Variants in URGCP observed in about 807,000 individuals in gnomAD.
URGCP encodes the protein upregulator of cell proliferation, also known as up-regulator of cell proliferation.
A neutral mutation model predicts 24.6 loss-of-function variants in URGCP; 13 were observed. That is an observed-to-expected ratio of 0.53 (90% CI 0.34 to 0.84). The LOEUF (loss-of-function observed/expected upper bound fraction) is 0.84. Ranked by LOEUF, URGCP falls within the 40% of genes least tolerant of loss-of-function variation. The probability of loss-of-function intolerance (pLI) is 0.01; values close to 1 mark genes in which losing one functional copy is unlikely to be tolerated. For synonymous variants in URGCP, 444 were observed against 487.2 expected (o/e 0.91, Z 1.17); for missense variants, 899 against 1,194.3 (o/e 0.75, Z 3.64).
rs1472073648 is a variant in URGCP at position 43,877,530 on chromosome 7, G to A, written c.1933C>T (p.His645Tyr). ...AGCTCCGAGGCCAAGCCTGGGAAGT[G>A]GGCAAAACGCCTCTGGCCTGCCGGC... ...RLPAGQRRFA[H>Y]FPGLASELLL... The change falls in exon 6 of 6, where the codon CAC becomes TAC. Residue 645 changes from histidine (H) to tyrosine (Y), a missense_variant. By Grantham distance (83) the His-to-Tyr change is moderately conservative. Coordinates refer to ENST00000453200, the MANE Select transcript of URGCP (RefSeq NM_001077663.3). 2 of 1,613,070 alleles carry A rather than the reference G, an allele frequency of 1.2e-6. No individual in the cohort carries two copies. Among genetic ancestry groups the A allele is most frequent in the Non-Finnish European group, 1.7e-6 (2 of 1,180,026 alleles).
chr7:43,911,717 AAC>A (rs1219273083), intron 1 of URGCP, among the ~76,000 whole-genome samples: 2 of 152,186 alleles, frequency 1.3e-5, no homozygotes, highest in Non-Finnish European at 2.9e-5. Flanking sequence ...AATAGGACCT[AAC>A]AGACATATGC....
At chr7:43,920,154 C>T (rs1003162227) in intron 1 of URGCP, 11 of 637,622 alleles carry the variant, frequency 1.7e-5, no homozygotes, top group African/African-American at 1.5e-4. Flanking sequence ...GGACCTCACA[C>T]ATCTCTTTCT....
upstream of URGCP, among the ~76,000 whole-genome samples, chr7:43,907,449 A>G (rs2095905268): frequency 6.6e-6 from 1 of 152,162 alleles, no homozygotes; most frequent in Admixed American, 6.6e-5. Flanking sequence ...CCTGGGCAAC[A>G]TATTGAGATG....
intron 1 of URGCP, among the ~76,000 whole-genome samples, chr7:43,905,125 C>T (rs1345492201): frequency 6.6e-6 from 1 of 152,064 alleles, no homozygotes; most frequent in Non-Finnish European, 1.5e-5. Flanking sequence ...CACAGAAACA[C>T]CAGTGAAGCA....
intron 5 of URGCP, chr7:43,881,023 T>G: frequency 1.6e-6 from 1 of 608,676 alleles, no homozygotes; most frequent in Non-Finnish European, 2.9e-6. Context: ...TTAGGGGACC[T>G]ATGAACTTGT....
At chr7:43,913,535 T>G (rs1278984883) in intron 1 of URGCP, among the ~76,000 whole-genome samples, 2 of 152,092 alleles carry the variant, frequency 1.3e-5, no homozygotes, top group African/African-American at 4.8e-5. Context: ...TTATTTTCTT[T>G]AAGCACTTTA....
At chr7:43,925,962 C>T (rs1395544228) in intron 1 of URGCP, among the ~76,000 whole-genome samples, 4 of 152,108 alleles carry the variant, frequency 2.6e-5, no homozygotes, top group African/African-American at 9.7e-5. Flanking sequence ...GATGCATAGT[C>T]TAAGGCCAGG....
At chr7:43,900,247 C>A (rs1012114716) in intron 1 of URGCP, among the ~76,000 whole-genome samples, 2 of 151,210 alleles carry the variant, frequency 1.3e-5, no homozygotes, top group African/African-American at 2.4e-5. Context: ...TTAAGGTCAG[C>A]GGTTCGAGAC....
At chr7:43,922,500 A>C (rs2095923566) in intron 1 of URGCP, among the ~76,000 whole-genome samples, 1 of 152,180 alleles carries the variant, frequency 6.6e-6, no homozygotes, top group Admixed American at 6.5e-5. Context: ...AATTACAGCC[A>C]TCCTAGAGGG....
In URGCP at chr7:43,886,844, T is replaced by C. The variant is rs577245644; in HGVS notation, c.112+571A>G. Among the ~76,000 whole-genome samples, 3 of 151,296 alleles carry C rather than the reference T, an allele frequency of 2.0e-5. No individual in the cohort carries two copies. The East Asian group carries it at 5.8e-4, about 29-fold the overall frequency. ...GTAAGAGAGCTAAAGATATCTGGAG[T>C]GTGGCCACCATACCTTAAAGGTGAA... On this transcript the variant is annotated intron_variant, in intron 3 of 5. Transcript: ENST00000453200.
chr7:43,921,521 C>T (rs549617447), intron 1 of URGCP, among the ~76,000 whole-genome samples: 43 of 152,250 alleles, frequency 2.8e-4, no homozygotes, highest in Middle Eastern at 3.4e-3. Context: ...CTAAATTATA[C>T]GGGACAGATA....
chr7:43,919,487 C>T, intron 1 of URGCP: 2 of 1,135,402 alleles, frequency 1.8e-6, no homozygotes, highest in Admixed American at 1.7e-5. Flanking sequence ...TCATTCCCAC[C>T]CCATGGCTCC....
Position 43,922,894 on chromosome 7 carries a change from CTCTT to C in URGCP, c.-116+3234_-116+3237del, listed in dbSNP as rs576826513. Among the ~76,000 whole-genome samples, 400 of 151,156 alleles carry C rather than the reference CTCTT, an allele frequency of 2.6e-3. 1 individual carries two copies. Among genetic ancestry groups the C allele is most frequent in the Non-Finnish European group, 3.7e-3 (249 of 67,762 alleles). On this transcript the variant is annotated intron_variant, in intron 1 of 5. Transcript: ENST00000426198. ...CCACACCAGGCATTTTTTTTTCTTTCTCTTTCTTTCTTTCTTTCTCTTTCTTTCC... is the reference window on the plus strand; with the variant it reads ...CCACACCAGGCATTTTTTTTTCTTTCTCTTTCTTTCTTTCTCTTTCTTTCC...
At chr7:43,924,254 A>T (rs1378171869) in intron 1 of URGCP, among the ~76,000 whole-genome samples, 1 of 152,226 alleles carries the variant, frequency 6.6e-6, no homozygotes, top group Non-Finnish European at 1.5e-5. Flanking sequence ...AGCATGCTAA[A>T]AAGTTTAGAA....
At chr7:43,884,843 A>G (rs1221020165) in intron 3 of URGCP, among the ~76,000 whole-genome samples, 2 of 152,160 alleles carry the variant, frequency 1.3e-5, no homozygotes, top group Non-Finnish European at 2.9e-5. Context: ...AGAATGAGCT[A>G]TGAAGTAGAA....
rs749959719 is a variant in URGCP at position 43,879,181 on chromosome 7, G to A, written c.282C>T (p.Asp94=). 25 of 1,613,940 alleles carry A rather than the reference G, an allele frequency of 1.5e-5. 1 individual carries two copies. The South Asian group carries it at 2.2e-4, about 14-fold the overall frequency. Residue 94 remains aspartate (D), a synonymous_variant, in exon 6 of 6, where the codon GAC becomes GAT. Coordinates refer to ENST00000453200, the MANE Select transcript of URGCP (RefSeq NM_001077663.3). ...TACTGTCAAAACTGATCTGCAGAGA[G>A]TCCTGGAGGCTGAGTTTCTGGACCT... ...TYQVQKLSLQ[D]SLQISFDSMK... is the part of the protein sequence containing the mutation.
chr7:43,877,320 G>T lies in URGCP; in HGVS notation c.2143C>A (p.Leu715Met), dbSNP rs774302990. ...KSTLLNTMFG[L>M]RFATGKSCGP... Reference sequence around the variant, plus strand: ...CAGCTCTTCCCTGTGGCAAACCGCAGCCCAAACATGGTGTTGAGGAGTGTG... The same window carrying T: ...CAGCTCTTCCCTGTGGCAAACCGCATCCCAAACATGGTGTTGAGGAGTGTG... The change falls in exon 6 of 6, where the codon CTG becomes ATG. Residue 715 changes from leucine (L) to methionine (M), a missense_variant. Leu to Met is a conservative substitution (Grantham distance 15). Coordinates refer to ENST00000453200, the MANE Select transcript of URGCP (RefSeq NM_001077663.3). 5.6e-6 allele frequency: 9 copies of T among 1,612,916 alleles called. No homozygotes were observed. The East Asian group carries it at 2.0e-4, about 36-fold the overall frequency.
chr7:43,913,517 C>G (rs1303714083), intron 1 of URGCP, among the ~76,000 whole-genome samples: 1 of 151,996 alleles, frequency 6.6e-6, no homozygotes, highest in East Asian at 1.9e-4. Context: ...CGCACCTGGC[C>G]CTGACAGTTA....
At chr7:43,906,809 C>T, upstream of URGCP, 2 of 295,650 alleles carry the variant, frequency 6.8e-6, no homozygotes, top group East Asian at 6.9e-5. Context: ...CGCCCAACGC[C>T]CACCTGCCCA....
Sources: allele counts gnomAD v4.1 joint callset (sites outside exome capture counted in the v4.1 genomes callset), GRCh38; gene constraint gnomAD v4.1.1; transcripts MANE v1.5; gene names NCBI Gene and HGNC (gene_info 2026-07-23, HGNC 2026-07-21).